Variants in KDM7A observed in about 807,000 individuals in gnomAD.
The protein encoded by KDM7A is lysine demethylase 7A.
A neutral mutation model predicts 114.8 loss-of-function variants in KDM7A; 28 were observed. The observed-to-expected ratio is 0.24, with a 90% confidence interval of 0.18 to 0.33. The LOEUF is 0.33. Ranked by LOEUF, KDM7A falls within the 10% of genes least tolerant of loss-of-function variation. The probability of loss-of-function intolerance (pLI) is 1.00; values close to 1 mark genes in which losing one functional copy is unlikely to be tolerated. For synonymous variants in KDM7A, 423 were observed against 397.8 expected, an observed-to-expected ratio of 1.06 and a Z score of -0.75; for missense variants, 942 against 1,142.5, an observed-to-expected ratio of 0.82 and a Z score of 2.53.
At chr7:140,112,791 T>A (rs566805674) in intron 10 of KDM7A, among the ~76,000 whole-genome samples, 1 of 152,300 alleles carries the variant, frequency 6.6e-6, no homozygotes, top group Non-Finnish European at 1.5e-5. Flanking sequence ...TTTATAAACA[T>A]TTGTTTTAAG....
At chr7:140,150,749 T>A (rs932192708) in intron 1 of KDM7A, among the ~76,000 whole-genome samples, 1 of 151,732 alleles carries the variant, frequency 6.6e-6, no homozygotes. Flanking sequence ...TGTTTATTTT[T>A]AAAAAGAAAA....
intron 18 of KDM7A, among the ~76,000 whole-genome samples, chr7:140,093,108 A>G (rs1446401313): frequency 6.6e-6 from 1 of 152,248 alleles, no homozygotes. Flanking sequence ...TCTACTACTC[A>G]GAGATTAATG....
rs1016816615 is a variant in KDM7A at position 140,176,931 on chromosome 7, C to T, written c.7G>A (p.Gly3Arg). The T allele has an allele frequency of 8.6e-7, 1 of 1,158,342 alleles. No individual in the cohort carries two copies. Among genetic ancestry groups the T allele is most frequent in the Non-Finnish European group, 1.1e-6 (1 of 935,854 alleles). The allele number at this position is 1,158,342 out of a possible 1,614,324, so 71.8% of individuals were successfully genotyped here. The change falls in exon 1 of 20, where the codon GGA (glycine) becomes AGA (arginine). Residue 3 changes from glycine to arginine, a missense_variant. Physicochemically the swap from Gly to Arg is moderately radical, Grantham distance 125. Around this residue, in one of 4 missense-constraint regions of KDM7A, gnomAD observed 112 missense variants for 96.2 expected, o/e 1.16. Coordinates refer to ENST00000397560, the MANE Select transcript of KDM7A (RefSeq NM_030647.2). This position sits in a 1 kb window ranked among gnomAD's most constrained non-coding sequence, Gnocchi z 4.4. ...CCCGCGGCCACCGCCGCCGCCGCTC[C>T]GGCCATCTTTAAAAAACACACACAC... MA[G>R]AAAAVAAGAA...
At chr7:140,119,686 G>A (rs1372595941) in intron 8 of KDM7A, among the ~76,000 whole-genome samples, 1 of 151,392 alleles carries the variant, frequency 6.6e-6, no homozygotes, top group African/African-American at 2.4e-5. Context: ...GGTACAAAAA[G>A]ACAAGATCCA....
chr7:140,132,166 A>G (rs1585154709), intron 3 of KDM7A, among the ~76,000 whole-genome samples: 2 of 152,228 alleles, frequency 1.3e-5, no homozygotes, highest in South Asian at 4.1e-4. Flanking sequence ...TGTTAATCAT[A>G]TCAAGCATGT....
intron 1 of KDM7A, among the ~76,000 whole-genome samples, chr7:140,146,936 G>A (rs1007003877): frequency 6.6e-6 from 1 of 152,128 alleles, no homozygotes; most frequent in Admixed American, 6.5e-5. Context: ...TGTTAGAAGA[G>A]TGGGTGGCCA....
chr7:140,088,426 T>C lies in KDM7A; in HGVS notation c.*2668A>G. 5.0e-6 allele frequency: 2 copies of C among 398,122 alleles called. No individual in the cohort carries two copies. Among genetic ancestry groups the C allele is most frequent in the East Asian group, 3.6e-5 (1 of 28,060 alleles). 24.7% of individuals were successfully genotyped at this position (398,122 alleles called of 1,614,324 possible). On this transcript the variant is annotated 3_prime_UTR_variant, in exon 20 of 20. Coordinates refer to ENST00000397560, the MANE Select transcript of KDM7A (RefSeq NM_030647.2). The stretch of plus-strand genomic sequence containing the variant: ...ATCATAATTCTCAATTTTACATATT[T>C]GTATTTGGTTACAACTAGCTAAATG...
In KDM7A at chr7:140,089,556, T is replaced by C. The variant is rs535105199; in HGVS notation, c.*1538A>G. 2 of 152,316 alleles carry C rather than the reference T, an allele frequency of 1.3e-5. No homozygotes were observed. The highest frequency in any genetic ancestry group is 4.8e-5 in the African/African-American group (2 of 41,576). The allele number at this position is 152,316 out of a possible 1,614,324, so 9.4% of individuals were successfully genotyped here. ...AAAATAAATTTTATCTATTTGCCTATATTTTCTTTGTAGGAATTTGTAAAA... is the reference window on the plus strand; with the variant it reads ...AAAATAAATTTTATCTATTTGCCTACATTTTCTTTGTAGGAATTTGTAAAA... On this transcript the variant is annotated 3_prime_UTR_variant, in exon 20 of 20. Transcript: ENST00000397560.
chr7:140,097,660 G>A lies in KDM7A; in HGVS notation c.1919-18C>T. The A allele has an allele frequency of 7.1e-7, 1 of 1,407,356 alleles. No individual in the cohort carries two copies. The highest frequency in any genetic ancestry group is 1.0e-6 in the Non-Finnish European group (1 of 995,186). 87.2% of individuals were successfully genotyped at this position (1,407,356 alleles called of 1,614,324 possible). On this transcript the variant is annotated intron_variant, in intron 14 of 19. Coordinates refer to ENST00000397560, the MANE Select transcript of KDM7A (RefSeq NM_030647.2). ...AAAAAACCCTGAAAAAGAATGAAAGGATGAGAAAAAGAGAAAGTCATTTGA... is the reference window on the plus strand; with the variant it reads ...AAAAAACCCTGAAAAAGAATGAAAGAATGAGAAAAAGAGAAAGTCATTTGA...
At position 140,111,144 on chromosome 7, in the gene KDM7A, C is replaced by G; in HGVS notation, c.1379G>C (p.Arg460Thr). The change falls in exon 11 of 20, where the codon AGA (arginine) becomes ACA (threonine). Residue 460 changes from arginine (R) to threonine (T), a missense_variant. By Grantham distance (71) the Arg-to-Thr change is moderately conservative. Coordinates refer to ENST00000397560, the MANE Select transcript of KDM7A (RefSeq NM_030647.2). Reference protein sequence around the residue: ...EHAFEIPDNVRPGHLIKELSK... With the variant: ...EHAFEIPDNVTPGHLIKELSK... ...AAGTTCTTTAATAAGGTGTCCAGGT[C>G]TAACATTGTCTGGAATTTCAAAGGC... 3.1e-6 allele frequency: 5 copies of G among 1,608,908 alleles called. No individual in the cohort carries two copies. Among genetic ancestry groups the G allele is most frequent in the Non-Finnish European group, 4.2e-6 (5 of 1,176,574 alleles).
chr7:140,176,946 A>AAC lies in KDM7A; in HGVS notation c.-11_-10dup. 1 of 1,145,046 alleles carries AAC rather than the reference A, an allele frequency of 8.7e-7. No homozygotes were observed. The highest frequency in any genetic ancestry group is 4.7e-5 in the East Asian group (1 of 21,268). The allele number at this position is 1,145,046 out of a possible 1,614,324, so 70.9% of individuals were successfully genotyped here. On this transcript the variant is annotated 5_prime_UTR_variant, in exon 1 of 20. Transcript: ENST00000397560. The surrounding 1 kb of genome is among the most constrained non-coding windows in gnomAD (Gnocchi z 4.4). ...GCCGCCGCTCCGGCCATCTTTAAAA[A>AAC]ACACACACACGCTCGCTCGCTACTC...
At chr7:140,157,195 C>G (rs2116843650) in intron 1 of KDM7A, among the ~76,000 whole-genome samples, 1 of 152,292 alleles carries the variant, frequency 6.6e-6, no homozygotes, top group Non-Finnish European at 1.5e-5. Context: ...TAGGAATTCT[C>G]CAAAGGGAAA....
chr7:140,132,175 G>A (rs546487544), intron 3 of KDM7A, among the ~76,000 whole-genome samples: 2 of 152,250 alleles, frequency 1.3e-5, no homozygotes, highest in Admixed American at 6.5e-5. Flanking sequence ...TATCAAGCAT[G>A]TGTAATTTAA....
Position 140,133,583 on chromosome 7 carries a change from T to G in KDM7A, c.354A>C (p.Gly118=). ...GTAATTCCTTAATGAAAGTTCTAGT[T>G]CCAGCTTGCACTGGTTTGGAACCAT... ...IDDGSKPVQA[G]TRTFIKELRS... The change falls in exon 3 of 20, where the codon GGA becomes GGC. Residue 118 remains glycine, a synonymous_variant. Transcript: ENST00000397560. 2.5e-6 allele frequency: 4 copies of G among 1,612,476 alleles called. No homozygotes were observed. Among genetic ancestry groups the G allele is most frequent in the Non-Finnish European group, 3.4e-6 (4 of 1,178,624 alleles).
intron 2 of KDM7A, among the ~76,000 whole-genome samples, chr7:140,137,640 A>G (rs766233235): frequency 2.0e-5 from 3 of 152,188 alleles, no homozygotes; most frequent in Non-Finnish European, 2.9e-5. Context: ...AGTTCCCCCA[A>G]TTTGCTAACC....
chr7:140,084,794 A>G lies in KDM7A; in HGVS notation c.*6300T>C, dbSNP rs1448903313. On this transcript the variant is annotated 3_prime_UTR_variant, in exon 20 of 20. Transcript: ENST00000397560. ...TTTCTTTCAAGGACGCATTTTATAC[A>G]ATTTTCAACATTTATACTTTCAAAC... 1 of 152,204 alleles carries G rather than the reference A, an allele frequency of 6.6e-6. No homozygotes were observed. The highest frequency in any genetic ancestry group is 1.5e-5 in the Non-Finnish European group (1 of 68,038). 9.4% of individuals were successfully genotyped at this position (152,204 alleles called of 1,614,324 possible). A position where few individuals can be genotyped will look rare whatever the true frequency, so the allele number is the denominator to read the frequency against.
At chr7:140,131,044 T>C (rs1449937272) in intron 3 of KDM7A, among the ~76,000 whole-genome samples, 1 of 146,200 alleles carries the variant, frequency 6.8e-6, no homozygotes, top group Non-Finnish European at 1.5e-5. Context: ...GTTTTTGTTT[T>C]TTTTAGTAGA....
intron 1 of KDM7A, among the ~76,000 whole-genome samples, chr7:140,144,534 C>G (rs928839782): frequency 6.6e-6 from 1 of 152,074 alleles, no homozygotes; most frequent in African/African-American, 2.4e-5. Flanking sequence ...TTCTACTTTT[C>G]TCAGCTAAGT....
At chr7:140,170,371 T>G (rs1794625729) in intron 1 of KDM7A, among the ~76,000 whole-genome samples, 1 of 152,246 alleles carries the variant, frequency 6.6e-6, no homozygotes, top group Admixed American at 6.5e-5. Context: ...CTGTCTCACC[T>G]ATGCACCCCT....
Sources: gnomAD v4.1 joint callset for allele counts (sites outside exome capture counted in the v4.1 genomes callset) on GRCh38, gnomAD v4.1.1 for gene constraint, gnomAD v4.1.1 regional missense constraint, Gnocchi (gnomAD v3.1) non-coding constraint, MANE v1.5 for transcripts, NCBI Gene and HGNC (gene_info 2026-07-23, HGNC 2026-07-21) for gene names.